Variants in MERTK observed in about 807,000 individuals in gnomAD.
The protein encoded by MERTK is MER proto-oncogene, tyrosine kinase.
In MERTK, 69 loss-of-function variants were observed where a neutral mutation model predicts 99.3. The observed-to-expected ratio is 0.70, with a 90% CI of 0.57 to 0.85. The LOEUF (loss-of-function observed/expected upper bound fraction) is 0.85, where lower values mean the gene tolerates loss of function less well. MERTK is among the 40% of genes least tolerant of loss of function. The pLI, the probability that MERTK is intolerant of heterozygous loss-of-function variation, is 0.00. For missense variants in MERTK, 1,125 were observed against 1,249.4 expected (o/e 0.90, Z 1.50); for synonymous variants, 426 against 467.6 (o/e 0.91, Z 1.15).
At chr2:111,958,145 A>G (rs918792359) in intron 4 of MERTK, among the ~76,000 whole-genome samples, 2 of 152,150 alleles carry the variant, frequency 1.3e-5, no homozygotes, top group African/African-American at 2.4e-5. Flanking sequence ...GAGTTGGCTC[A>G]GGAGATTGTG....
intron 8 of MERTK, among the ~76,000 whole-genome samples, chr2:111,991,395 T>A (rs1188653623): frequency 6.6e-6 from 1 of 151,844 alleles, no homozygotes; most frequent in Non-Finnish European, 1.5e-5. Flanking sequence ...CCTGCTAATT[T>A]TTGTACTTTT....
intron 1 of MERTK, among the ~76,000 whole-genome samples, chr2:111,912,181 G>A (rs1324246519): frequency 7.1e-6 from 1 of 141,232 alleles, no homozygotes; most frequent in African/African-American, 2.6e-5. Flanking sequence ...TTTTTTTTTT[G>A]TATTTTTAGT....
intron 18 of MERTK, among the ~76,000 whole-genome samples, chr2:112,022,778 T>C (rs1677382722): frequency 6.6e-6 from 1 of 152,232 alleles, no homozygotes; most frequent in African/African-American, 2.4e-5. Context: ...GGTCCAGTTA[T>C]CTTTCTCCTT....
At chr2:111,951,518 T>G (rs1241316204) in intron 4 of MERTK, among the ~76,000 whole-genome samples, 2 of 87,198 alleles carry the variant, frequency 2.3e-5, no homozygotes, top group East Asian at 3.4e-4. Flanking sequence ...CTGAATAATA[T>G]TCCCATATAT....
At chr2:111,903,532 A>G (rs1684083342) in intron 1 of MERTK, among the ~76,000 whole-genome samples, 1 of 152,242 alleles carries the variant, frequency 6.6e-6, no homozygotes, top group Non-Finnish European at 1.5e-5. Flanking sequence ...CTCCTTGCTC[A>G]GGGGCAGGTA....
intron 4 of MERTK, among the ~76,000 whole-genome samples, chr2:111,960,350 G>A (rs113494688): frequency 0.24 from 36,074 of 151,680 alleles, 4,623 homozygotes; most frequent in South Asian, 0.32. Flanking sequence ...GCGTGGTGGT[G>A]CATGCCTGTA....
chr2:111,913,046 G>GA, intron 1 of MERTK: 1 of 985,414 alleles, frequency 1.0e-6, no homozygotes. Context: ...AAGGCCTGGC[G>GA]AAAGGTGAAA....
chr2:111,963,544 A>G (rs1230916281), intron 4 of MERTK, among the ~76,000 whole-genome samples: 1 of 151,758 alleles, frequency 6.6e-6, no homozygotes, highest in African/African-American at 2.4e-5. Context: ...GGTACTTGAG[A>G]TTAGGGAGTG....
chr2:111,989,139 CTCAT>C (rs1558798609), intron 8 of MERTK, among the ~76,000 whole-genome samples: 1 of 152,100 alleles, frequency 6.6e-6, no homozygotes, highest in Non-Finnish European at 1.5e-5. Flanking sequence ...ATAATACAGT[CTCAT>C]TCAAATTCCA....
In MERTK at chr2:112,002,529, G is replaced by A. The variant is rs561909540; in HGVS notation, c.1691-563G>A. ...TACATGAATCTGATTACCGGCTGCT[G>A]CTACCACACAACAGAATGAGAAATG... On this transcript the variant is annotated intron_variant, in intron 11 of 18. Coordinates refer to ENST00000295408, the MANE Select transcript of MERTK (RefSeq NM_006343.3). 5.9e-5 allele frequency among the ~76,000 whole-genome samples: 9 copies of A among 152,278 alleles called. No individual in the cohort carries two copies. In the East Asian group the frequency reaches 1.3e-3, roughly 23 times the overall value.
intron 8 of MERTK, among the ~76,000 whole-genome samples, chr2:111,993,092 A>C (rs939777954): frequency 1.3e-5 from 2 of 152,022 alleles, no homozygotes; most frequent in Non-Finnish European, 2.9e-5. Flanking sequence ...ATTCTCATAC[A>C]CTTCTTGGTG....
intron 18 of MERTK, among the ~76,000 whole-genome samples, chr2:112,027,165 A>G (rs1677480124): frequency 6.7e-6 from 1 of 149,680 alleles, no homozygotes; most frequent in East Asian, 1.9e-4. Context: ...TTAAAATTTT[A>G]TATATATATA....
Position 111,935,022 on chromosome 2 carries a change from A to G in MERTK, c.482+5482A>G, listed in dbSNP as rs188880068. On this transcript the variant is annotated intron_variant, in intron 2 of 18. Coordinates refer to ENST00000295408, the MANE Select transcript of MERTK (RefSeq NM_006343.3). ...TTCCCGTAGTGGCCCCTGCTGTTAT[A>G]TAGCTCTCTCCCTTCCAAAGGAAGA... is the stretch of plus-strand genomic sequence containing the variant. Among the ~76,000 whole-genome samples the G allele has an allele frequency of 9.9e-5, 15 of 152,260 alleles. No homozygotes were observed. The East Asian group carries it at 1.9e-3, about 20-fold the overall frequency.
chr2:111,904,191 A>C (rs1684095494), intron 1 of MERTK, among the ~76,000 whole-genome samples: 1 of 152,182 alleles, frequency 6.6e-6, no homozygotes, highest in African/African-American at 2.4e-5. Context: ...ATGGAGTTCA[A>C]ACTTGACATA....
intron 12 of MERTK, 27 bp downstream of exon 12, chr2:112,003,214 A>C: frequency 9.4e-7 from 1 of 1,069,070 alleles, no homozygotes; most frequent in Non-Finnish European, 1.5e-6. Flanking sequence ...AATTCTTTTA[A>C]AATGTGGGAT....
intron 4 of MERTK, among the ~76,000 whole-genome samples, chr2:111,951,522 C>CATATATAT (rs56410508): frequency 0.022 from 1,860 of 85,748 alleles, 143 homozygotes; most frequent in African/African-American, 0.064. Flanking sequence ...ATAATATTCC[C>CATATATAT]ATATATATAT....
chr2:112,023,935 A>G (rs553250177), intron 18 of MERTK, among the ~76,000 whole-genome samples: 3 of 152,120 alleles, frequency 2.0e-5, no homozygotes, highest in Non-Finnish European at 4.4e-5. Context: ...CTCACATGGG[A>G]GAGAGAGCCT....
In MERTK at chr2:112,028,754, A is replaced by C. The variant is rs368880991; in HGVS notation, c.2890A>C (p.Arg964=). 69 of 1,614,036 alleles carry C rather than the reference A, an allele frequency of 4.3e-5. No homozygotes were observed. Among genetic ancestry groups the C allele is most frequent in the Non-Finnish European group, 5.4e-5 (64 of 1,180,042 alleles). ...NSVLPGERLV[R]NGVSWSHSSM... Reference sequence around the variant, plus strand: ...TGTTTTACCGGGGGAGAGACTTGTTAGGAATGGGGTCTCCTGGTCCCATTC... The same window carrying C: ...TGTTTTACCGGGGGAGAGACTTGTTCGGAATGGGGTCTCCTGGTCCCATTC... The change falls in exon 19 of 19, where the codon AGG becomes CGG. Residue 964 remains arginine, a synonymous_variant. Coordinates refer to ENST00000295408, the MANE Select transcript of MERTK (RefSeq NM_006343.3).
At chr2:111,978,503 C>T (rs1192055986) in intron 7 of MERTK, among the ~76,000 whole-genome samples, 1 of 152,000 alleles carries the variant, frequency 6.6e-6, no homozygotes, top group African/African-American at 2.4e-5. Flanking sequence ...ACTATTTTGC[C>T]CAGGCTGCTC....
Sources: gnomAD v4.1 joint callset for allele counts (sites outside exome capture counted in the v4.1 genomes callset) on GRCh38, gnomAD v4.1.1 for gene constraint, MANE v1.5 for transcripts, NCBI Gene and HGNC (gene_info 2026-07-23, HGNC 2026-07-21) for gene names.